DPPA2: variants seen among roughly 807,000 people sequenced by gnomAD.
DPPA2 encodes the protein developmental pluripotency-associated protein 2.
Under a neutral mutation model 36.2 loss-of-function variants are expected in DPPA2, and 26 were observed. The ratio of observed to expected loss-of-function variants is 0.72; its 90% CI spans 0.53 to 1.00. DPPA2 has a LOEUF of 1.00. DPPA2 is among the 50% of genes least tolerant of loss of function. The pLI, the probability that DPPA2 is intolerant of heterozygous loss-of-function variation, is 0.00. For synonymous variants in DPPA2, 113 were observed against 123.2 expected (o/e 0.92, Z 0.55); for missense variants, 361 against 365.1 (o/e 0.99, Z 0.09).
chr3:109,310,228 CAAAAAAA>C (rs1183674663), intron 3 of DPPA2, among the ~76,000 whole-genome samples: 6 of 46,950 alleles, frequency 1.3e-4, no homozygotes, highest in African/African-American at 3.8e-4. Context: ...AACTCCGTCT[CAAAAAAA>C]AAAAAAAAAA....
intron 1 of DPPA2, among the ~76,000 whole-genome samples, chr3:109,314,951 A>G (rs1707764977): frequency 6.6e-6 from 1 of 151,894 alleles, no homozygotes; most frequent in Non-Finnish European, 1.5e-5. Context: ...CTGTAATCCC[A>G]CCTACTCGGG....
At chr3:109,310,046 A>G (rs1376516434) in intron 3 of DPPA2, among the ~76,000 whole-genome samples, 1 of 151,538 alleles carries the variant, frequency 6.6e-6, no homozygotes, top group Non-Finnish European at 1.5e-5. Context: ...AATATGGAGG[A>G]ACCCTGTCTC....
chr3:109,309,402 C>G, intron 3 of DPPA2, 72 bp from the exon 4 acceptor site: 1 of 1,574,720 alleles, frequency 6.4e-7, no homozygotes, highest in Non-Finnish European at 8.7e-7. Flanking sequence ...TTACAAAGAT[C>G]TAGGGTCGGG....
chr3:109,299,422 G>A (rs1707417889), intron 8 of DPPA2, among the ~76,000 whole-genome samples: 1 of 151,734 alleles, frequency 6.6e-6, no homozygotes, highest in Admixed American at 6.6e-5. Flanking sequence ...AAGCAGGAGA[G>A]TTGCTTGAAC....
chr3:109,314,412 G>C, intron 2 of DPPA2, 98 bp downstream of exon 2: 1 of 1,269,818 alleles, frequency 7.9e-7, no homozygotes, highest in African/African-American at 1.5e-5. Flanking sequence ...CTTACATCCA[G>C]GAATGAAGAT....
At chr3:109,305,739 A>C (rs1418434129) in intron 6 of DPPA2, among the ~76,000 whole-genome samples, 1 of 148,604 alleles carries the variant, frequency 6.7e-6, no homozygotes, top group African/African-American at 2.5e-5. Flanking sequence ...ACGCCATTGC[A>C]CTCCAGCCTG....
intron 7 of DPPA2, among the ~76,000 whole-genome samples, chr3:109,304,180 G>A (rs941785259): frequency 1.3e-5 from 2 of 152,036 alleles, no homozygotes; most frequent in Non-Finnish European, 2.9e-5. Context: ...GGCTGAGGCA[G>A]GAGAATCGCT....
At chr3:109,297,635 T>C (rs1002456457) in intron 8 of DPPA2, among the ~76,000 whole-genome samples, 2 of 152,152 alleles carry the variant, frequency 1.3e-5, no homozygotes, top group African/African-American at 4.8e-5. Context: ...GAACTCTCAT[T>C]CATTGCTGGT....
intron 2 of DPPA2, 144 bp from the exon 3 acceptor site, chr3:109,312,836 T>C (rs756579893): frequency 3.2e-5 from 35 of 1,090,192 alleles, no homozygotes; most frequent in Admixed American, 1.3e-4. Flanking sequence ...GAATGTGATG[T>C]TGATTAGCAG....
intron 8 of DPPA2, among the ~76,000 whole-genome samples, chr3:109,297,795 C>A (rs1212945377): frequency 6.6e-6 from 1 of 152,022 alleles, no homozygotes; most frequent in Non-Finnish European, 1.5e-5. Context: ...TAAGTATACA[C>A]AACATTCTGG....
At chr3:109,305,331 TGA>T (rs1707537226) in intron 6 of DPPA2, among the ~76,000 whole-genome samples, 1 of 152,142 alleles carries the variant, frequency 6.6e-6, no homozygotes. Flanking sequence ...TATTCACAGG[TGA>T]GATAAACGAA....
At chr3:109,305,273 A>T (rs1258219635) in intron 6 of DPPA2, among the ~76,000 whole-genome samples, 2 of 152,182 alleles carry the variant, frequency 1.3e-5, no homozygotes, top group African/African-American at 4.8e-5. Context: ...ATTTACTCTT[A>T]AGTACACTAT....
intron 6 of DPPA2, among the ~76,000 whole-genome samples, chr3:109,305,467 G>A (rs116108460): frequency 0.024 from 3,689 of 152,012 alleles, 154 homozygotes; most frequent in African/African-American, 0.085. Context: ...AAACAGACAA[G>A]CGTCTGTTTA....
Position 109,308,020 on chromosome 3 carries a change from G to A in DPPA2, c.658+12C>T, listed in dbSNP as rs1484795998. 3 of 1,612,638 alleles carry A rather than the reference G, an allele frequency of 1.9e-6. No homozygotes were observed. Among genetic ancestry groups the A allele is most frequent in the Non-Finnish European group, 2.5e-6 (3 of 1,178,972 alleles). On this transcript the variant is annotated intron_variant, in intron 6 of 8. Transcript: ENST00000478945. ...CTCTGGAGTGGGACTCACACTTTAA[G>A]GTTGATCTTACCAGAGGCTTGCATC...
chr3:109,311,758 A>G (rs1269036181), intron 3 of DPPA2, among the ~76,000 whole-genome samples: 1 of 151,954 alleles, frequency 6.6e-6, no homozygotes, highest in Non-Finnish European at 1.5e-5. Flanking sequence ...ATTTAAAAAA[A>G]AAAAGAAAAA....
chr3:109,311,184 C>A (rs1222213009), intron 3 of DPPA2, among the ~76,000 whole-genome samples: 1 of 152,132 alleles, frequency 6.6e-6, no homozygotes, highest in African/African-American at 2.4e-5. Flanking sequence ...CCCTCAACAA[C>A]CAACTGAATA....
At position 109,312,693 on chromosome 3, in the gene DPPA2, C is replaced by T. The variant is rs773018766; in HGVS notation, c.34-1G>A. The stretch of plus-strand genomic sequence containing the variant: ...CATCTACTTCCCCCTCCAAGAAATT[C>T]TGGAAAGAGAAGTCAGTCACTGATT... On this transcript the variant is annotated splice_acceptor_variant, in intron 2 of 8. Coordinates refer to ENST00000478945, the MANE Select transcript of DPPA2 (RefSeq NM_138815.4). LOFTEE classifies it high-confidence loss of function. The T allele has an allele frequency of 5.0e-6, 8 of 1,612,710 alleles. No homozygotes were observed. Among genetic ancestry groups the T allele is most frequent in the Non-Finnish European group, 5.9e-6 (7 of 1,179,022 alleles).
chr3:109,308,658 G>A (rs1215865715), intron 5 of DPPA2, among the ~76,000 whole-genome samples: 3 of 152,116 alleles, frequency 2.0e-5, no homozygotes, highest in Non-Finnish European at 2.9e-5. Context: ...CACCACACCC[G>A]GCCAATTTTA....
chr3:109,304,564 C>T lies in DPPA2; in HGVS notation c.765G>A (p.Arg255=). 6.2e-7 allele frequency: 1 copy of T among 1,614,114 alleles called. No individual in the cohort carries two copies. Among genetic ancestry groups the T allele is most frequent in the Non-Finnish European group, 8.5e-7 (1 of 1,180,030 alleles). The change falls in exon 7 of 9, where the codon AGG becomes AGA. Residue 255 remains arginine (R), a synonymous_variant. Coordinates refer to ENST00000478945, the MANE Select transcript of DPPA2 (RefSeq NM_138815.4). ...GTAACAAGAAGAGAGAAATCATCCT[C>T]CTGTGAGTGGTAGGCACCCAGGCCT... ...AGQAWVPTTH[R]RMISLFLLPA...
Sources: gnomAD v4.1 joint callset for allele counts (sites outside exome capture counted in the v4.1 genomes callset) on GRCh38, gnomAD v4.1.1 for gene constraint, MANE v1.5 for transcripts, NCBI Gene and HGNC (gene_info 2026-07-23, HGNC 2026-07-21) for gene names.